The following RIMBP2 variants were observed in gnomAD, a reference collection of about 807,000 sequenced individuals.
RIMBP2 encodes the protein RIMS binding protein 2, also known as RIMS-binding protein 2.
RIMBP2 carries 48 observed loss-of-function variants against 118.6 expected under a neutral mutation model. That is an observed-to-expected ratio of 0.40 (90% CI 0.32 to 0.51). The LOEUF (loss-of-function observed/expected upper bound fraction) is 0.51, where lower values mean the gene tolerates loss of function less well. Among genes scored for constraint, RIMBP2 ranks in the 20% least tolerant of loss-of-function variants. The pLI is 0.41. For missense variants in RIMBP2, 1,551 were observed against 1,768.3 expected (o/e 0.88, Z 2.20); for synonymous variants, 762 against 742.9 (o/e 1.03, Z -0.42).
chr12:130,453,648 AGC>A (rs1566066136), intron 7 of RIMBP2, among the ~76,000 whole-genome samples: 1 of 152,256 alleles, frequency 6.6e-6, no homozygotes. Context: ...AACTCGCAGA[AGC>A]AGAGAACAGA....
At chr12:130,643,615 T>C (rs531005763) in intron 1 of RIMBP2, among the ~76,000 whole-genome samples, 1 of 152,258 alleles carries the variant, frequency 6.6e-6, no homozygotes, top group East Asian at 1.9e-4. Context: ...ACAAATTCTA[T>C]ACATGCGGAG....
intron 1 of RIMBP2, among the ~76,000 whole-genome samples, chr12:130,711,212 C>T (rs556593171): frequency 6.6e-6 from 1 of 152,172 alleles, no homozygotes; most frequent in Non-Finnish European, 1.5e-5. Context: ...CACTGCATTC[C>T]AGCCTGGGTG....
chr12:130,664,398 C>T lies in RIMBP2; in HGVS notation c.-351-35942G>A, dbSNP rs1319891065. ...ATGCACGCACGCGCATGCACACACA[C>T]GCACGCACGCACGCACACACACGCA... On this transcript the variant is annotated intron_variant, in intron 1 of 22. Coordinates refer to ENST00000690449, the MANE Select transcript of RIMBP2 (RefSeq NM_001393629.1). Among the ~76,000 whole-genome samples the T allele has an allele frequency of 1.0e-4, 10 of 97,734 alleles. 1 individual carries two copies. Among genetic ancestry groups the T allele is most frequent in the South Asian group, 3.4e-4 (1 of 2,950 alleles). The allele number at this position is 97,734 out of a possible 152,430, so 64.1% of individuals were successfully genotyped here. A position where few individuals can be genotyped will look rare whatever the true frequency, so the allele number is the denominator to read the frequency against.
At chr12:130,687,156 A>G (rs2065091279) in intron 1 of RIMBP2, among the ~76,000 whole-genome samples, 2 of 152,168 alleles carry the variant, frequency 1.3e-5, no homozygotes, top group Non-Finnish European at 2.9e-5. Context: ...CTGATACTTT[A>G]TGAATCAGAG....
In RIMBP2 at chr12:130,571,416, A is replaced by ACATTTTTTTTTTTT. The variant is rs386378267; in HGVS notation, c.-216-53500_-216-53499insAAAAAAAAAAAATG. On this transcript the variant is annotated intron_variant, in intron 2 of 22. Coordinates refer to ENST00000690449, the MANE Select transcript of RIMBP2 (RefSeq NM_001393629.1). Reference sequence around the variant, plus strand: ...GTGTGCTACTGCTACCCATAGTAACATTTTTTTTTTTTTTTTTTTTGGAGA... The same window carrying ACATTTTTTTTTTTT: ...GTGTGCTACTGCTACCCATAGTAACACATTTTTTTTTTTTTTTTTTTTTTTTTTTTTTTTGGAGA... Among the ~76,000 whole-genome samples the ACATTTTTTTTTTTT allele has an allele frequency of 1.9e-5, 2 of 104,298 alleles. 1 individual carries two copies. Among genetic ancestry groups the ACATTTTTTTTTTTT allele is most frequent in the Non-Finnish European group, 4.2e-5 (2 of 47,254 alleles). 68.4% of individuals were successfully genotyped at this position (104,298 alleles called of 152,430 possible). A position where few individuals can be genotyped will look rare whatever the true frequency, so the allele number is the denominator to read the frequency against.
intron 1 of RIMBP2, among the ~76,000 whole-genome samples, chr12:130,706,279 CT>C (rs2066115801): frequency 1.3e-5 from 2 of 152,250 alleles, no homozygotes; most frequent in African/African-American, 4.8e-5. Context: ...ATACTAAGCA[CT>C]TTTCCCCAGT....
chr12:130,553,165 A>ATG (rs1555289407), intron 2 of RIMBP2, among the ~76,000 whole-genome samples: 1 of 150,012 alleles, frequency 6.7e-6, no homozygotes, highest in Non-Finnish European at 1.5e-5. Context: ...AAAAAAAAAA[A>ATG]GAAAAGAAAA....
rs2064148303 is a variant in RIMBP2 at position 130,670,534 on chromosome 12, C to T, written c.-351-42078G>A. 1.3e-5 allele frequency among the ~76,000 whole-genome samples: 2 copies of T among 152,066 alleles called. No homozygotes were observed. The highest frequency in any genetic ancestry group is 1.5e-5 in the Non-Finnish European group (1 of 68,026). ...GGGGTTCCATGGTCAGCTCCTTAGC[C>T]GACTTTATATATATGGAGGTCTCAA... On this transcript the variant is annotated intron_variant, in intron 1 of 22. Transcript: ENST00000690449. This position sits in a 1 kb window ranked among gnomAD's most constrained non-coding sequence, Gnocchi z 4.9.
intron 19 of RIMBP2, 46 bp downstream of exon 19, chr12:130,412,573 G>A (rs769688246): frequency 6.4e-7 from 1 of 1,568,484 alleles, no homozygotes; most frequent in Non-Finnish European, 8.7e-7. Flanking sequence ...CAGGTGTTTT[G>A]TGGGATAAAA....
Position 130,437,178 on chromosome 12 carries a change from G to T in RIMBP2, c.1770C>A (p.Ser590=), listed in dbSNP as rs181923151. ...GAACGGCAGCAACTGCAGAGTCCAC[G>T]GACTCGCCCTGGGCGGAGAGGGTCC... ...TVRTLSAQGE[S]VDSAVAAVPP... is the part of the protein sequence containing the mutation. The change falls in exon 13 of 23, where the codon TCC becomes TCA. Residue 590 remains serine, a synonymous_variant. Coordinates refer to ENST00000690449, the MANE Select transcript of RIMBP2 (RefSeq NM_001393629.1). The T allele has an allele frequency of 6.3e-7, 1 of 1,588,254 alleles. No individual in the cohort carries two copies. Among genetic ancestry groups the T allele is most frequent in the Non-Finnish European group, 8.6e-7 (1 of 1,168,960 alleles).
chr12:130,536,040 C>T (rs1272339622), intron 2 of RIMBP2, among the ~76,000 whole-genome samples: 1 of 152,088 alleles, frequency 6.6e-6, no homozygotes, highest in Non-Finnish European at 1.5e-5. Flanking sequence ...CTCTCCGCCT[C>T]GGCTTCCCAA....
At chr12:130,575,453 A>G (rs1162515258) in intron 2 of RIMBP2, among the ~76,000 whole-genome samples, 1 of 152,026 alleles carries the variant, frequency 6.6e-6, no homozygotes, top group African/African-American at 2.4e-5. Context: ...TTCATGTGAC[A>G]TTTCCATCAA....
At chr12:130,709,767 TC>T (rs1203615783) in intron 1 of RIMBP2, among the ~76,000 whole-genome samples, 4 of 150,652 alleles carry the variant, frequency 2.7e-5, no homozygotes, top group Non-Finnish European at 5.9e-5. Flanking sequence ...TTCCTGACAT[TC>T]CCATCGCGGA....
At chr12:130,542,395 C>T (rs12302072) in intron 2 of RIMBP2, among the ~76,000 whole-genome samples, 5,059 of 152,206 alleles carry the variant, frequency 0.033, 174 homozygotes, top group African/African-American at 0.091. Context: ...AAGTTCAAAC[C>T]AGCACTATCA....
In RIMBP2 at chr12:130,422,175, C is replaced by A. The variant is rs1203327924; in HGVS notation, c.3238+278G>T. ...GCCCATGCCAGGATGAGGGAGGTGA[C>A]ACAAAGTGGTCCCCCCTTCAGTGCT... On this transcript the variant is annotated intron_variant, in intron 17 of 22. Transcript: ENST00000690449. The surrounding 1 kb of genome is among the most constrained non-coding windows in gnomAD (Gnocchi z 5.2). Among the ~76,000 whole-genome samples, 1 of 152,170 alleles carries A rather than the reference C, an allele frequency of 6.6e-6. No homozygotes were observed. The highest frequency in any genetic ancestry group is 1.5e-5 in the Non-Finnish European group (1 of 68,016).
At chr12:130,423,748 A>G (rs2076575785) in intron 16 of RIMBP2, among the ~76,000 whole-genome samples, 1 of 151,420 alleles carries the variant, frequency 6.6e-6, no homozygotes. Flanking sequence ...CTCCAAAATA[A>G]CAAGGAAAAA....
At chr12:130,603,131 A>G (rs2059967561) in intron 2 of RIMBP2, among the ~76,000 whole-genome samples, 1 of 152,252 alleles carries the variant, frequency 6.6e-6, no homozygotes, top group Admixed American at 6.5e-5. Context: ...AAATGAGCAC[A>G]TGAAAACATG....
chr12:130,453,027 C>T (rs748794126), intron 7 of RIMBP2, among the ~76,000 whole-genome samples: 14 of 152,148 alleles, frequency 9.2e-5, no homozygotes, highest in East Asian at 3.8e-4. Flanking sequence ...ATGCAAACAC[C>T]GCGCTCTCTC....
intron 1 of RIMBP2, among the ~76,000 whole-genome samples, chr12:130,645,093 CTTT>C (rs61370338): frequency 5.6e-5 from 8 of 143,700 alleles, no homozygotes; most frequent in South Asian, 2.3e-4. Context: ...CAAATCAGAA[CTTT>C]TTTTTTTTTT....
Sources: gnomAD v4.1 joint callset for allele counts (sites outside exome capture counted in the v4.1 genomes callset) on GRCh38, gnomAD v4.1.1 for gene constraint, Gnocchi (gnomAD v3.1) non-coding constraint, MANE v1.5 for transcripts, NCBI Gene and HGNC (gene_info 2026-07-23, HGNC 2026-07-21) for gene names.